Variants in TENM3 observed in about 807,000 individuals in gnomAD.
The protein encoded by TENM3 is teneurin transmembrane protein 3, also known as teneurin-3.
TENM3 carries 63 observed loss-of-function variants against 255.1 expected under a neutral mutation model. That is an observed-to-expected ratio of 0.25 (90% confidence interval 0.20 to 0.30). The LOEUF (loss-of-function observed/expected upper bound fraction) is 0.30, where lower values mean the gene tolerates loss of function less well. Among genes scored for constraint, TENM3 ranks in the 10% least tolerant of loss-of-function variants. The probability of loss-of-function intolerance (pLI) is 1.00; values close to 1 mark genes in which losing one functional copy is unlikely to be tolerated. For missense variants in TENM3, 2,929 were observed against 3,461.1 expected, an observed-to-expected ratio of 0.85 and a Z score of 3.86; for synonymous variants, 1,306 against 1,322.3, an observed-to-expected ratio of 0.99 and a Z score of 0.27.
the TENM3 span, among the ~76,000 whole-genome samples, chr4:181,671,745 CTT>C: frequency 6.8e-6 from 1 of 146,714 alleles, no homozygotes. Context: ...GCAAACTTTA[CTT>C]TTTTTTTTTT....
the TENM3 span, among the ~76,000 whole-genome samples, chr4:181,682,125 A>G: frequency 6.6e-6 from 1 of 152,216 alleles, no homozygotes; most frequent in Non-Finnish European, 1.5e-5. Flanking sequence ...CCCCAAGTGG[A>G]GCACAATATA....
At chr4:181,686,267 T>A in the TENM3 span, among the ~76,000 whole-genome samples, 2 of 152,162 alleles carry the variant, frequency 1.3e-5, no homozygotes, top group Non-Finnish European at 2.9e-5. Context: ...TGTTTTAGGA[T>A]CACTCTACAC....
At chr4:182,741,030 G>A (rs150534791) in intron 18 of TENM3, among the ~76,000 whole-genome samples, 1 of 152,004 alleles carries the variant, frequency 6.6e-6, no homozygotes, top group African/African-American at 2.4e-5. Flanking sequence ...ACAAAAATTA[G>A]CCAGGCTTAG....
At chr4:181,609,515 C>T in the TENM3 span, among the ~76,000 whole-genome samples, 1 of 152,170 alleles carries the variant, frequency 6.6e-6, no homozygotes, top group Non-Finnish European at 1.5e-5. Context: ...ATAAAGAATG[C>T]ACAGCCCCAT....
chr4:181,539,103 G>A, the TENM3 span, among the ~76,000 whole-genome samples: 1,300 of 152,172 alleles, frequency 8.5e-3, 23 homozygotes, highest in African/African-American at 0.029. Flanking sequence ...GGCAGACTAC[G>A]TTCAATGTTC....
chr4:182,645,797 T>C (rs908967098), intron 5 of TENM3, among the ~76,000 whole-genome samples: 1 of 152,152 alleles, frequency 6.6e-6, no homozygotes, highest in Admixed American at 6.5e-5. Context: ...AAAAAGAAGC[T>C]GAAGTCTTTC....
chr4:181,475,357 T>G, the TENM3 span, among the ~76,000 whole-genome samples: 4 of 150,694 alleles, frequency 2.7e-5, no homozygotes, highest in African/African-American at 7.3e-5. Flanking sequence ...GAGTTCTGGG[T>G]TTTTTTTATT....
chr4:182,029,352 C>A, the TENM3 span, among the ~76,000 whole-genome samples: 1 of 152,276 alleles, frequency 6.6e-6, no homozygotes, highest in East Asian at 1.9e-4. Context: ...GGCAAGGACA[C>A]ACATCCAAAC....
At chr4:182,030,525 A>T in the TENM3 span, among the ~76,000 whole-genome samples, 1,955 of 152,208 alleles carry the variant, frequency 0.013, 47 homozygotes, top group African/African-American at 0.044. Context: ...CTATTGGGAA[A>T]AGTGCTGCAG....
chr4:181,847,082 C>T, the TENM3 span, among the ~76,000 whole-genome samples: 3,441 of 152,282 alleles, frequency 0.023, 58 homozygotes, highest in Middle Eastern at 0.037. Context: ...GTGCTGCTTT[C>T]CGAACACCAG....
intron 2 of TENM3, among the ~76,000 whole-genome samples, chr4:182,339,623 G>A (rs1764356987): frequency 6.6e-6 from 1 of 152,148 alleles, no homozygotes; most frequent in South Asian, 2.1e-4. Context: ...GGTCTGATGT[G>A]TTGAGCCCCA....
the TENM3 span, among the ~76,000 whole-genome samples, chr4:182,021,574 A>G: frequency 1.3e-5 from 2 of 152,198 alleles, no homozygotes; most frequent in Admixed American, 1.3e-4. Context: ...CCATTAAAGA[A>G]TTTATCAAAA....
intron 2 of TENM3, among the ~76,000 whole-genome samples, chr4:182,340,569 T>C (rs1764424480): frequency 6.6e-6 from 1 of 152,196 alleles, no homozygotes; most frequent in Non-Finnish European, 1.5e-5. Flanking sequence ...CTATTGCATG[T>C]TCAAGAATGG....
rs112590437 is a variant in TENM3 at position 182,799,681 on chromosome 4, G to A, written c.7430G>A (p.Arg2477Gln). The change falls in exon 28 of 28, where the codon CGG becomes CAG. Residue 2477 changes from arginine to glutamine, a missense_variant. Physicochemically the swap from Arg to Gln is conservative, Grantham distance 43 (BLOSUM62 1). Around this residue, in one of 6 missense-constraint regions of TENM3, gnomAD observed 476 missense variants for 480.1 expected, o/e 0.99. Transcript: ENST00000511685. The surrounding 1 kb of genome is among the most constrained non-coding windows in gnomAD (Gnocchi z 4.2). ...AAGATGGCCGAGGTGCAGGTGAGCC[G>A]GCGCCGGGCCGGCGGCGCGCAGTCC... ...LGKMAEVQVSRRRAGGAQSWL... is the reference protein window; with the variant it reads ...LGKMAEVQVSQRRAGGAQSWL... The A allele has an allele frequency of 1.1e-5, 17 of 1,548,790 alleles. No homozygotes were observed. The highest frequency in any genetic ancestry group is 2.7e-5 in the African/African-American group (2 of 73,012).
chr4:181,888,245 G>C, the TENM3 span, among the ~76,000 whole-genome samples: 42 of 151,552 alleles, frequency 2.8e-4, 2 homozygotes, highest in Admixed American at 1.3e-3. Flanking sequence ...TGGCCAGGCT[G>C]GTCTTGAACT....
chr4:181,497,519 G>A, the TENM3 span, among the ~76,000 whole-genome samples: 5 of 152,170 alleles, frequency 3.3e-5, no homozygotes, highest in African/African-American at 1.2e-4. Context: ...GCAACCACGT[G>A]TAATCGATAA....
chr4:182,380,756 C>T (rs1405165447), intron 3 of TENM3, among the ~76,000 whole-genome samples: 3 of 152,128 alleles, frequency 2.0e-5, no homozygotes, highest in African/African-American at 4.8e-5. Flanking sequence ...CGGAATTTAA[C>T]GAAGGCCACA....
the TENM3 span, among the ~76,000 whole-genome samples, chr4:181,615,014 CA>C: frequency 6.6e-6 from 1 of 152,118 alleles, no homozygotes; most frequent in Non-Finnish European, 1.5e-5. Flanking sequence ...AAATGGAAGG[CA>C]GGGGAGAGAG....
At chr4:181,976,029 TC>T in the TENM3 span, 1 of 151,822 alleles carries the variant, frequency 6.6e-6, no homozygotes, top group African/African-American at 2.4e-5. Flanking sequence ...CAATGTCTTC[TC>T]TCTCTGTTTG....
Sources: gnomAD v4.1 joint callset for allele counts (sites outside exome capture counted in the v4.1 genomes callset) on GRCh38, gnomAD v4.1.1 for gene constraint, gnomAD v4.1.1 regional missense constraint, Gnocchi (gnomAD v3.1) non-coding constraint, MANE v1.5 for transcripts, NCBI Gene and HGNC (gene_info 2026-07-23, HGNC 2026-07-21) for gene names.